The following LOXHD1 variants were observed in gnomAD, a reference collection of about 807,000 sequenced individuals.
LOXHD1 encodes the protein lipoxygenase homology domain-containing protein 1.
A neutral mutation model predicts 248.2 loss-of-function variants in LOXHD1; 205 were observed. The ratio of observed to expected loss-of-function variants is 0.83; its 90% CI spans 0.74 to 0.93. LOXHD1 has a LOEUF of 0.93. Ranked by LOEUF, LOXHD1 falls within the 40% of genes least tolerant of loss-of-function variation. The pLI is 0.00. For synonymous variants in LOXHD1, 1,113 were observed against 1,162.8 expected (o/e 0.96, Z 0.87); for missense variants, 2,930 against 2,971.6 (o/e 0.99, Z 0.33).
intron 24 of LOXHD1, among the ~76,000 whole-genome samples, chr18:46,542,284 T>A (rs1598957844): frequency 6.6e-6 from 1 of 152,156 alleles, no homozygotes; most frequent in South Asian, 2.1e-4. Context: ...AACTCAGGGA[T>A]GCCAGGAAGA....
intron 21 of LOXHD1, among the ~76,000 whole-genome samples, chr18:46,549,311 A>G (rs2036983661): frequency 6.6e-6 from 1 of 151,980 alleles, no homozygotes; most frequent in South Asian, 2.1e-4. Context: ...AAAAGCTCGA[A>G]ACTGTTAAAA....
At chr18:46,524,407 T>C in intron 31 of LOXHD1, 59 bp downstream of exon 31, 1 of 1,525,270 alleles carries the variant, frequency 6.6e-7, no homozygotes, top group Non-Finnish European at 8.9e-7. Flanking sequence ...ATCCAAGAAT[T>C]GCTTTAAAAC....
rs200518261 is a variant in LOXHD1, at chr18:46,507,526, C to A, written c.5692+12G>T. On this transcript the variant is annotated intron_variant, in intron 36 of 40. Transcript: ENST00000642948. ...GTAAGGGAGCGGGAGGTGTGAGGGA[C>A]CCCCGACCCACCCAGGATGTCGCTG... 9 of 1,551,302 alleles carry A rather than the reference C, an allele frequency of 5.8e-6. No homozygotes were observed. The highest frequency in any genetic ancestry group is 2.4e-5 in the East Asian group (1 of 40,896).
At chr18:46,482,821 T>C (rs949394322) in intron 40 of LOXHD1, among the ~76,000 whole-genome samples, 2 of 151,038 alleles carry the variant, frequency 1.3e-5, no homozygotes, top group African/African-American at 4.8e-5. Flanking sequence ...GGTGCAGATG[T>C]GGGAGCGTCC....
At chr18:46,582,740 C>T (rs1490340179) in intron 12 of LOXHD1, among the ~76,000 whole-genome samples, 1 of 152,194 alleles carries the variant, frequency 6.6e-6, no homozygotes, top group African/African-American at 2.4e-5. Flanking sequence ...ACTACACATA[C>T]ATTAAGAGCC....
At position 46,579,679 on chromosome 18, in the gene LOXHD1, C is replaced by T. The variant is rs1162582151; in HGVS notation, c.1760G>A (p.Arg587Gln). 3.2e-6 allele frequency: 5 copies of T among 1,551,638 alleles called. No individual in the cohort carries two copies. The highest frequency in any genetic ancestry group is 2.4e-5 in the East Asian group (1 of 40,932). ...LFGDVGDTGE[R>Q]LLYNCRNNTD... is the part of the protein sequence containing the mutation. Reference sequence around the variant, plus strand: ...GTTATTCCTGCAGTTGTAGAGCAGCCGTTCCCCCGTGTCCCCCACATCACC... The same window carrying T: ...GTTATTCCTGCAGTTGTAGAGCAGCTGTTCCCCCGTGTCCCCCACATCACC... The change falls in exon 13 of 41, where the codon CGG becomes CAG. Residue 587 changes from arginine (R) to glutamine (Q), a missense_variant. Arg to Gln is a conservative substitution (Grantham distance 43). Coordinates refer to ENST00000642948, the MANE Select transcript of LOXHD1 (RefSeq NM_001384474.1).
chr18:46,593,878 T>G, intron 9 of LOXHD1, 118 bp from the exon 10 acceptor site: 1 of 1,033,486 alleles, frequency 9.7e-7, no homozygotes, highest in Non-Finnish European at 1.4e-6. Flanking sequence ...TATACACAGG[T>G]GTGTCCCACT....
chr18:46,564,670 T>C (rs1320330614), intron 17 of LOXHD1, among the ~76,000 whole-genome samples: 1 of 152,220 alleles, frequency 6.6e-6, no homozygotes, highest in Non-Finnish European at 1.5e-5. Context: ...AAGGGAACTA[T>C]TGCTTTTTTA....
intron 4 of LOXHD1, among the ~76,000 whole-genome samples, chr18:46,637,388 A>G (rs1010341968): frequency 2.0e-5 from 3 of 152,154 alleles, no homozygotes; most frequent in Admixed American, 6.5e-5. Context: ...TCTCATGATG[A>G]CTTTTCAGAG....
chr18:46,559,102 T>A, intron 20 of LOXHD1: 1 of 1,303,680 alleles, frequency 7.7e-7, no homozygotes, highest in Non-Finnish European at 1.0e-6. Flanking sequence ...AGTTGCTCCC[T>A]CCCCCTAGTT....
chr18:46,510,690 G>A (rs1484794596), intron 34 of LOXHD1, among the ~76,000 whole-genome samples: 1 of 152,194 alleles, frequency 6.6e-6, no homozygotes, highest in African/African-American at 2.4e-5. Flanking sequence ...GGCCATAGCT[G>A]ATGGCGGCTG....
intron 21 of LOXHD1, among the ~76,000 whole-genome samples, chr18:46,550,505 G>T (rs531160244): frequency 6.8e-6 from 1 of 147,910 alleles, no homozygotes. Flanking sequence ...CCCAGGAAGC[G>T]GAGCTTGCAG....
rs983051165 is a variant in LOXHD1 at position 46,616,946 on chromosome 18, A to G, written c.610+1246T>C. On this transcript the variant is annotated intron_variant, in intron 5 of 40. Transcript: ENST00000642948. ...AATTATCTGAAATTCTTGAGGATTTAATCTTATTGTGTGTTGTGTTGATTA... is the reference window on the plus strand; with the variant it reads ...AATTATCTGAAATTCTTGAGGATTTGATCTTATTGTGTGTTGTGTTGATTA... Among the ~76,000 whole-genome samples, 6 of 152,222 alleles carry G rather than the reference A, an allele frequency of 3.9e-5. No individual in the cohort carries two copies. The South Asian group carries it at 1.0e-3, about 26-fold the overall frequency.
At chr18:46,503,921 G>T (rs542264362) in intron 37 of LOXHD1, among the ~76,000 whole-genome samples, 1 of 152,086 alleles carries the variant, frequency 6.6e-6, no homozygotes, top group African/African-American at 2.4e-5. Context: ...CACACAGAAC[G>T]GTGTGTTAGA....
rs1204559888 is a variant in LOXHD1, at chr18:46,505,911, C to A, written c.5805G>T (p.Thr1935=). Residue 1935 remains threonine, a synonymous_variant, in exon 37 of 41, where the codon ACG becomes ACT. Transcript: ENST00000642948. ...ANWNKFERNN[T]DTFNFPDMLS... is the part of the protein sequence containing the mutation. Reference sequence around the variant, plus strand: ...GCATGTCAGGGAAGTTGAATGTGTCCGTGTTGTTCCGCTCAAACTTGTTCC... The same window carrying A: ...GCATGTCAGGGAAGTTGAATGTGTCAGTGTTGTTCCGCTCAAACTTGTTCC... 6 of 1,551,776 alleles carry A rather than the reference C, an allele frequency of 3.9e-6. No individual in the cohort carries two copies. The highest frequency in any genetic ancestry group is 5.2e-6 in the Non-Finnish European group (6 of 1,147,048).
chr18:46,638,434 C>G (rs994820101), intron 4 of LOXHD1, among the ~76,000 whole-genome samples: 2 of 152,146 alleles, frequency 1.3e-5, no homozygotes, highest in African/African-American at 4.8e-5. Context: ...GAGTTTCAGA[C>G]CAGCCTGGCC....
chr18:46,656,779 C>T, intron 1 of LOXHD1, 125 bp downstream of exon 1: 2 of 1,114,992 alleles, frequency 1.8e-6, no homozygotes, highest in Non-Finnish European at 2.5e-6. Context: ...GGAACAGACA[C>T]ATGGGATAAT....
chr18:46,600,878 A>G (rs2038326211), intron 8 of LOXHD1, among the ~76,000 whole-genome samples: 1 of 152,204 alleles, frequency 6.6e-6, no homozygotes, highest in East Asian at 1.9e-4. Flanking sequence ...GTATTCCACA[A>G]TACAAACATA....
At chr18:46,579,253 A>ATGC (rs1416355276) in intron 13 of LOXHD1, among the ~76,000 whole-genome samples, 4 of 152,164 alleles carry the variant, frequency 2.6e-5, no homozygotes, top group Non-Finnish European at 5.9e-5. Flanking sequence ...GGTAAGAAAG[A>ATGC]TGCTGCTGCT....
Sources: gnomAD v4.1 joint callset for allele counts (sites outside exome capture counted in the v4.1 genomes callset) on GRCh38, gnomAD v4.1.1 for gene constraint, MANE v1.5 for transcripts, NCBI Gene and HGNC (gene_info 2026-07-23, HGNC 2026-07-21) for gene names.